Variants in UXS1 observed in about 807,000 individuals in gnomAD.
UXS1 encodes the protein UDP-glucuronate decarboxylase 1.
UXS1 carries 33 observed loss-of-function variants against 62.6 expected under a neutral mutation model. The observed-to-expected ratio is 0.53, with a 90% CI of 0.40 to 0.70. The LOEUF (loss-of-function observed/expected upper bound fraction) is 0.70, where lower values mean the gene tolerates loss of function less well. Among genes scored for constraint, UXS1 ranks in the 30% least tolerant of loss-of-function variants. UXS1 has a pLI of 0.00. For synonymous variants in UXS1, 213 were observed against 206.8 expected (o/e 1.03, Z -0.26); for missense variants, 434 against 556.3 (o/e 0.78, Z 2.21).
At chr2:106,131,455 G>A (rs1680469088) in intron 6 of UXS1, among the ~76,000 whole-genome samples, 1 of 15,744 alleles carries the variant, frequency 6.4e-5, no homozygotes, top group Non-Finnish European at 2.0e-4. Flanking sequence ...TGGGGGCAGG[G>A]CACAGACAAA....
At chr2:106,155,604 A>G (rs1394710508) in intron 5 of UXS1, among the ~76,000 whole-genome samples, 1 of 152,196 alleles carries the variant, frequency 6.6e-6, no homozygotes, top group East Asian at 1.9e-4. Flanking sequence ...TTTGTAGCAT[A>G]TGAGCAATAG....
intron 9 of UXS1, among the ~76,000 whole-genome samples, chr2:106,121,170 G>A (rs576917709): frequency 3.9e-5 from 6 of 152,064 alleles, no homozygotes; most frequent in African/African-American, 7.2e-5. Flanking sequence ...GCATACAGTC[G>A]GTGCTCAAGA....
At chr2:106,121,949 C>T (rs1573450150) in intron 9 of UXS1, among the ~76,000 whole-genome samples, 1 of 152,306 alleles carries the variant, frequency 6.6e-6, no homozygotes, top group East Asian at 1.9e-4. Flanking sequence ...GAACAGGAGA[C>T]CTGGCCCTTG....
At chr2:106,141,545 C>A (rs1227869004) in intron 6 of UXS1, among the ~76,000 whole-genome samples, 1 of 151,998 alleles carries the variant, frequency 6.6e-6, no homozygotes, top group African/African-American at 2.4e-5. Context: ...GCAGCCTCAA[C>A]TTCCTGGGCT....
At chr2:106,159,256 G>A (rs1021057336) in intron 4 of UXS1, 1 of 152,270 alleles carries the variant, frequency 6.6e-6, no homozygotes, top group Non-Finnish European at 1.5e-5. Flanking sequence ...GAAGAAAGCA[G>A]CTTCGTGAAG....
intron 14 of UXS1, 23 bp downstream of exon 14, chr2:106,096,695 C>A (rs1369659319): frequency 1.1e-5 from 17 of 1,537,534 alleles, no homozygotes; most frequent in Non-Finnish European, 1.4e-5. Flanking sequence ...CCCCACAAGG[C>A]AGCATTAACT....
chr2:106,143,209 C>T (rs553553876), intron 6 of UXS1, among the ~76,000 whole-genome samples: 2 of 150,906 alleles, frequency 1.3e-5, no homozygotes, highest in South Asian at 2.1e-4. Context: ...GAGATGGAGA[C>T]CATCCTGGCT....
chr2:106,098,591 T>C, intron 13 of UXS1, 125 bp downstream of exon 13: 2 of 758,664 alleles, frequency 2.6e-6, no homozygotes, highest in South Asian at 1.9e-5. Flanking sequence ...GTATTCCTGA[T>C]AAAAAGTTCT....
intron 6 of UXS1, among the ~76,000 whole-genome samples, chr2:106,141,170 T>C (rs1029101044): frequency 1.3e-5 from 2 of 152,160 alleles, no homozygotes; most frequent in Non-Finnish European, 2.9e-5. Context: ...GGTAAAGAGA[T>C]CTAGCTAGTA....
chr2:106,129,550 A>T (rs1186692870), intron 7 of UXS1, 124 bp downstream of exon 7: 1 of 807,332 alleles, frequency 1.2e-6, no homozygotes, highest in Non-Finnish European at 2.1e-6. Flanking sequence ...TACCACAAGC[A>T]GGGCAATAAG....
At chr2:106,113,311 A>T (rs1678773719) in intron 9 of UXS1, among the ~76,000 whole-genome samples, 2 of 152,214 alleles carry the variant, frequency 1.3e-5, no homozygotes, top group South Asian at 4.1e-4. Flanking sequence ...ACTAAAAAAC[A>T]TCTGTTTTAG....
intron 9 of UXS1, among the ~76,000 whole-genome samples, chr2:106,115,656 C>G (rs1679001800): frequency 6.6e-6 from 1 of 152,150 alleles, no homozygotes; most frequent in Non-Finnish European, 1.5e-5. Context: ...TGGATGGCCT[C>G]GTCTCATCCT....
intron 10 of UXS1, among the ~76,000 whole-genome samples, chr2:106,105,973 G>A (rs2104858090): frequency 6.6e-6 from 1 of 152,266 alleles, no homozygotes; most frequent in African/African-American, 2.4e-5. Flanking sequence ...TCTGTGAACA[G>A]CACCAGCCCC....
chr2:106,172,723 G>A (rs575843792), intron 1 of UXS1, among the ~76,000 whole-genome samples: 1 of 152,262 alleles, frequency 6.6e-6, no homozygotes, highest in South Asian at 2.1e-4. Context: ...AGTACCCCAG[G>A]TGACTGTGAC....
intron 6 of UXS1, among the ~76,000 whole-genome samples, chr2:106,143,415 A>AAAAAAAAAAAAAAAC: frequency 7.6e-6 from 1 of 132,374 alleles, no homozygotes; most frequent in Non-Finnish European, 1.6e-5. Context: ...TCTCAAAAAA[A>AAAAAAAAAAAAAAAC]AAAAAAAAAA....
chr2:106,107,284 A>G (rs1678165582), intron 10 of UXS1, among the ~76,000 whole-genome samples: 1 of 152,224 alleles, frequency 6.6e-6, no homozygotes, highest in Admixed American at 6.5e-5. Context: ...ATTCACAGAA[A>G]GCCCACCTTT....
chr2:106,177,731 C>A (rs73951245), intron 1 of UXS1, among the ~76,000 whole-genome samples: 5,009 of 152,220 alleles, frequency 0.033, 127 homozygotes, highest in East Asian at 0.066. Flanking sequence ...TCTGCTGGGG[C>A]CTTCATCTTG....
chr2:106,188,680 C>T (rs1684732035), intron 1 of UXS1, among the ~76,000 whole-genome samples: 1 of 152,300 alleles, frequency 6.6e-6, no homozygotes. Context: ...CCGGGAGGAC[C>T]AACCCGCAGC....
intron 5 of UXS1, among the ~76,000 whole-genome samples, chr2:106,146,783 A>G (rs1167314229): frequency 1.6e-5 from 2 of 125,076 alleles, no homozygotes; most frequent in Non-Finnish European, 3.4e-5. Flanking sequence ...AAAAAAAAAA[A>G]AAAAAAAAAA....
Sources: gnomAD v4.1 joint callset for allele counts (sites outside exome capture counted in the v4.1 genomes callset) on GRCh38, gnomAD v4.1.1 for gene constraint, MANE v1.5 for transcripts, NCBI Gene and HGNC (gene_info 2026-07-23, HGNC 2026-07-21) for gene names.